RANBP17: variants seen among roughly 807,000 people sequenced by gnomAD.
RANBP17 encodes the protein RAN binding protein 17, also known as ran-binding protein 17.
Under a neutral mutation model 141.2 loss-of-function variants are expected in RANBP17, and 158 were observed. That is an observed-to-expected ratio of 1.12 (90% CI 0.98 to 1.28). The LOEUF (loss-of-function observed/expected upper bound fraction) is 1.28. RANBP17 is among the 50% of genes most tolerant of loss of function. RANBP17 has a pLI of 0.00. For synonymous variants in RANBP17, 430 were observed against 450.0 expected (o/e 0.96, Z 0.56); for missense variants, 1,438 against 1,290.7 (o/e 1.11, Z -1.75).
chr5:171,277,109 C>T (rs1272924326), intron 25 of RANBP17, among the ~76,000 whole-genome samples: 1 of 150,850 alleles, frequency 6.6e-6, no homozygotes, highest in African/African-American at 2.4e-5. Context: ...AAAAGAAGCA[C>T]TGCAGAGAAC....
intron 14 of RANBP17, among the ~76,000 whole-genome samples, chr5:171,073,751 G>A (rs544824432): frequency 1.1e-4 from 17 of 152,014 alleles, no homozygotes; most frequent in African/African-American, 3.1e-4. Context: ...AGGGCTTCCT[G>A]GAGAAATGGC....
chr5:171,198,852 T>C (rs1283965618), intron 18 of RANBP17, among the ~76,000 whole-genome samples: 1 of 152,240 alleles, frequency 6.6e-6, no homozygotes, highest in Non-Finnish European at 1.5e-5. Context: ...GTTTCTTCAG[T>C]AGAGTGCAGC....
intron 24 of RANBP17, chr5:171,251,927 T>C: frequency 6.3e-7 from 1 of 1,598,004 alleles, no homozygotes; most frequent in South Asian, 1.1e-5. Context: ...GAGCACTATT[T>C]TGGATTAGTC....
intron 14 of RANBP17, among the ~76,000 whole-genome samples, chr5:170,979,555 G>T (rs1011396636): frequency 6.6e-6 from 1 of 152,116 alleles, no homozygotes; most frequent in African/African-American, 2.4e-5. Flanking sequence ...CATGGGACAG[G>T]TCTTTCCTAT....
intron 14 of RANBP17, among the ~76,000 whole-genome samples, chr5:170,978,885 G>C (rs1317419103): frequency 2.0e-5 from 3 of 152,088 alleles, no homozygotes; most frequent in Non-Finnish European, 2.9e-5. Flanking sequence ...ATGGAAGCCT[G>C]GTGTGTAATT....
At chr5:171,049,637 A>G (rs1321601093) in intron 14 of RANBP17, among the ~76,000 whole-genome samples, 1 of 152,132 alleles carries the variant, frequency 6.6e-6, no homozygotes, top group African/African-American at 2.4e-5. Context: ...TCTTGAATTG[A>G]TTTTTGTATA....
At chr5:170,875,875 A>G (rs1481652328) in intron 1 of RANBP17, among the ~76,000 whole-genome samples, 1 of 152,008 alleles carries the variant, frequency 6.6e-6, no homozygotes, top group Non-Finnish European at 1.5e-5. Flanking sequence ...TCTCATCTTC[A>G]TGAGTTTGTC....
At chr5:171,171,116 T>G in intron 15 of RANBP17, 90 bp from the exon 16 acceptor site, 1 of 693,254 alleles carries the variant, frequency 1.4e-6, no homozygotes, top group Non-Finnish European at 2.5e-6. Context: ...ATTTAGGTCA[T>G]CAAACTTACA....
chr5:170,881,105 T>TGTTTC (rs1185793418), intron 2 of RANBP17, among the ~76,000 whole-genome samples: 11 of 151,852 alleles, frequency 7.2e-5, no homozygotes, highest in Non-Finnish European at 4.4e-5. Flanking sequence ...AATATTGTTT[T>TGTTTC]GATTTTTTTG....
chr5:171,296,017 G>A lies in RANBP17; in HGVS notation c.3170+3G>A, dbSNP rs752569751. 4 of 1,612,962 alleles carry A rather than the reference G, an allele frequency of 2.5e-6. No individual in the cohort carries two copies. The highest frequency in any genetic ancestry group is 3.4e-6 in the Non-Finnish European group (4 of 1,179,334). ...CTGTCCGTCAAGAACAGAGACAGGTGAGCATTGCCCAGTAGTGTGTCACTG... is the reference window on the plus strand; with the variant it reads ...CTGTCCGTCAAGAACAGAGACAGGTAAGCATTGCCCAGTAGTGTGTCACTG... On this transcript the variant is annotated splice_donor_region_variant and intron_variant, in intron 27 of 27. Transcript: ENST00000523189.
intron 24 of RANBP17, chr5:171,252,962 T>C (rs1244203282): frequency 3.5e-6 from 5 of 1,430,694 alleles, no homozygotes; most frequent in Non-Finnish European, 2.9e-6. Context: ...TCTGGTTACA[T>C]CCTTTTCTAT....
At chr5:171,007,517 C>T (rs1401528831) in intron 14 of RANBP17, among the ~76,000 whole-genome samples, 1 of 152,016 alleles carries the variant, frequency 6.6e-6, no homozygotes, top group Non-Finnish European at 1.5e-5. Context: ...ATTCACAAGA[C>T]TCAGCGATGC....
intron 22 of RANBP17, among the ~76,000 whole-genome samples, chr5:171,234,791 T>G (rs1343293836): frequency 6.6e-6 from 1 of 152,192 alleles, no homozygotes; most frequent in Non-Finnish European, 1.5e-5. Context: ...GAATTTGAGA[T>G]GTCCATTAAT....
intron 14 of RANBP17, among the ~76,000 whole-genome samples, chr5:171,135,726 G>A (rs917528805): frequency 2.0e-5 from 3 of 152,070 alleles, no homozygotes; most frequent in Non-Finnish European, 4.4e-5. Flanking sequence ...CTCTTTACTG[G>A]TCAGTTCTAT....
At chr5:171,031,428 C>T (rs1013470857) in intron 14 of RANBP17, among the ~76,000 whole-genome samples, 3 of 151,966 alleles carry the variant, frequency 2.0e-5, no homozygotes, top group Admixed American at 1.3e-4. Context: ...ATACTGCTGA[C>T]CCCACCACAA....
intron 14 of RANBP17, among the ~76,000 whole-genome samples, chr5:171,068,040 C>G (rs917931391): frequency 6.6e-6 from 1 of 151,966 alleles, no homozygotes; most frequent in Non-Finnish European, 1.5e-5. Flanking sequence ...GATCATTTCT[C>G]CCAAGTTCCT....
At chr5:170,992,270 G>A (rs1778559012) in intron 14 of RANBP17, among the ~76,000 whole-genome samples, 1 of 151,890 alleles carries the variant, frequency 6.6e-6, no homozygotes, top group South Asian at 2.1e-4. Flanking sequence ...AACTCTATCT[G>A]TGACACTAAT....
intron 2 of RANBP17, 67 bp from the exon 3 acceptor site, chr5:170,881,739 C>G (rs560180654): frequency 9.0e-7 from 1 of 1,115,924 alleles, no homozygotes; most frequent in Non-Finnish European, 1.2e-6. Flanking sequence ...CTTAGAAGAA[C>G]ATCTCTATCA....
At chr5:171,289,414 A>G (rs1272856137) in intron 25 of RANBP17, among the ~76,000 whole-genome samples, 6 of 152,194 alleles carry the variant, frequency 3.9e-5, no homozygotes, top group African/African-American at 7.2e-5. Flanking sequence ...ATCTTTGTCT[A>G]TTCTATTTCA....
Sources: allele counts gnomAD v4.1 joint callset (sites outside exome capture counted in the v4.1 genomes callset), GRCh38; gene constraint gnomAD v4.1.1; transcripts MANE v1.5; gene names NCBI Gene and HGNC (gene_info 2026-07-23, HGNC 2026-07-21).